FAAH2: variants seen among roughly 807,000 people sequenced by gnomAD.
FAAH2 encodes the protein fatty acid amide hydrolase 2.
Under a neutral mutation model 36.9 loss-of-function variants are expected in FAAH2, and 60 were observed. The ratio of observed to expected loss-of-function variants is 1.63; its 90% CI spans 1.32 to 2.02. The LOEUF (loss-of-function observed/expected upper bound fraction) is 2.02, where lower values mean the gene tolerates loss of function less well. Among genes scored for constraint, FAAH2 ranks in the 30% most tolerant of loss-of-function variants. The pLI is 0.00. For synonymous variants in FAAH2, 214 were observed against 143.8 expected, an observed-to-expected ratio of 1.49 and a Z score of -3.49; for missense variants, 689 against 397.5, an observed-to-expected ratio of 1.73 and a Z score of -6.23.
At chrX:57,186,993 G>T in the FAAH2 span, among the ~76,000 whole-genome samples, 2 of 111,746 alleles carry the variant, frequency 1.8e-5, no homozygotes, top group Non-Finnish European at 3.8e-5. Context: ...AAGTAAGGTA[G>T]CATGATGCCT....
intron 5 of FAAH2, among the ~76,000 whole-genome samples, chrX:57,352,029 T>C (rs1259042398): frequency 8.2e-5 from 1 of 12,179 alleles, no homozygotes; most frequent in Admixed American, 1.8e-3. Flanking sequence ...TGTATATATA[T>C]ATATATACAT....
chrX:57,290,012 G>C (rs1252320463), intron 1 of FAAH2, among the ~76,000 whole-genome samples: 1 of 111,546 alleles, frequency 9.0e-6, no homozygotes, highest in African/African-American at 3.3e-5. Context: ...TCCAGGCTCA[G>C]CTATGTGACT....
At chrX:57,453,377 T>C (rs1602716213) in intron 10 of FAAH2, among the ~76,000 whole-genome samples, 1 of 112,852 alleles carries the variant, frequency 8.9e-6, no homozygotes, top group East Asian at 2.8e-4. Context: ...CTGCCACTTG[T>C]AGCCAGCAGG....
chrX:57,316,082 C>T (rs1443364641), intron 3 of FAAH2, among the ~76,000 whole-genome samples: 1 of 111,091 alleles, frequency 9.0e-6, no homozygotes, highest in Non-Finnish European at 1.9e-5. Flanking sequence ...TGTAGTAAAT[C>T]GGTAGTATAA....
intron 4 of FAAH2, among the ~76,000 whole-genome samples, chrX:57,340,845 T>C (rs931306973): frequency 9.0e-6 from 1 of 111,230 alleles, no homozygotes; most frequent in Non-Finnish European, 1.9e-5. Context: ...TAATGGCTGC[T>C]GGGCTTAATA....
At chrX:57,226,241 G>A in the FAAH2 span, among the ~76,000 whole-genome samples, 1 of 111,451 alleles carries the variant, frequency 9.0e-6, no homozygotes, top group Non-Finnish European at 1.9e-5. Flanking sequence ...TGTTTTATAG[G>A]CCCTTTGTAA....
At chrX:57,367,906 C>T (rs774487056) in intron 5 of FAAH2, among the ~76,000 whole-genome samples, 1 of 111,940 alleles carries the variant, frequency 8.9e-6, no homozygotes, top group African/African-American at 3.2e-5. Flanking sequence ...TGCCCCCGTT[C>T]TTATTTGACC....
chrX:57,218,598 A>C, the FAAH2 span, among the ~76,000 whole-genome samples: 2 of 111,815 alleles, frequency 1.8e-5, no homozygotes, highest in South Asian at 7.6e-4. Flanking sequence ...GGATTCAGTT[A>C]GCTAGTATTC....
the FAAH2 span, among the ~76,000 whole-genome samples, chrX:57,190,352 C>A: frequency 9.3e-6 from 1 of 107,883 alleles, no homozygotes; most frequent in South Asian, 4.3e-4. Flanking sequence ...GTGGGACTCA[C>A]TGAGCAAGAC....
At chrX:57,266,855 G>A in the FAAH2 span, among the ~76,000 whole-genome samples, 54 of 112,466 alleles carry the variant, frequency 4.8e-4, no homozygotes, top group African/African-American at 1.7e-3. Flanking sequence ...ATCTGTCGTG[G>A]AGCAGGGCCA....
intron 7 of FAAH2, among the ~76,000 whole-genome samples, chrX:57,384,988 G>C (rs1317776609): frequency 9.0e-6 from 1 of 111,426 alleles, no homozygotes; most frequent in Non-Finnish European, 1.9e-5. Context: ...TAGGGACATG[G>C]ATGAAGCTGG....
chrX:57,398,607 A>T (rs2055359286), intron 7 of FAAH2, among the ~76,000 whole-genome samples: 1 of 108,849 alleles, frequency 9.2e-6, no homozygotes, highest in African/African-American at 3.4e-5. Flanking sequence ...ATAAAATGGG[A>T]GGTGACCCAA....
At chrX:57,406,159 C>T (rs2055562973) in intron 7 of FAAH2, among the ~76,000 whole-genome samples, 1 of 111,749 alleles carries the variant, frequency 8.9e-6, no homozygotes, top group African/African-American at 3.3e-5. Flanking sequence ...GACCTTTTGC[C>T]TCCATATCTG....
At chrX:57,176,722 G>A in the FAAH2 span, among the ~76,000 whole-genome samples, 2 of 111,129 alleles carry the variant, frequency 1.8e-5, no homozygotes, top group African/African-American at 6.5e-5. Context: ...AATTATTTTT[G>A]CATTTATTTT....
the FAAH2 span, among the ~76,000 whole-genome samples, chrX:57,177,003 A>G: frequency 9.1e-6 from 1 of 110,178 alleles, no homozygotes; most frequent in East Asian, 2.9e-4. Flanking sequence ...TTCCCCCAGT[A>G]GTTTGCACTT....
the FAAH2 span, among the ~76,000 whole-genome samples, chrX:57,147,354 A>G: frequency 9.0e-6 from 1 of 111,719 alleles, no homozygotes; most frequent in Non-Finnish European, 1.9e-5. Flanking sequence ...GCGCAAGTTC[A>G]TAGCAGCCTT....
At chrX:57,262,461 T>G in the FAAH2 span, among the ~76,000 whole-genome samples, 1 of 110,959 alleles carries the variant, frequency 9.0e-6, no homozygotes, top group Middle Eastern at 4.3e-3. Context: ...AATTTAAGAG[T>G]TAATTATATT....
intron 3 of FAAH2, 70 bp downstream of exon 3, chrX:57,310,799 TA>T: frequency 9.4e-7 from 1 of 1,068,845 alleles, no homozygotes. Flanking sequence ...ACTTATAAAC[TA>T]AAAAGGATGG....
At position 57,403,021 on chromosome X, in the gene FAAH2, T is replaced by A. The variant is rs748755665; in HGVS notation, c.996+21992T>A. 1.5e-4 allele frequency among the ~76,000 whole-genome samples: 17 copies of A among 112,207 alleles called. No homozygotes were observed. In the South Asian group the frequency reaches 6.4e-3, roughly 42 times the overall value. ...GTCTCCATGTCAGATCAAAGGATTG[T>A]CCTAACCCTTGTAAAACATCAGTAT... On this transcript the variant is annotated intron_variant, in intron 7 of 10. Transcript: ENST00000374900.
Sources: allele counts gnomAD v4.1 joint callset (sites outside exome capture counted in the v4.1 genomes callset), GRCh38; gene constraint gnomAD v4.1.1; transcripts MANE v1.5; gene names NCBI Gene and HGNC (gene_info 2026-07-23, HGNC 2026-07-21).